APP: variants seen among roughly 807,000 people sequenced by gnomAD.
The protein encoded by APP is amyloid-beta precursor protein.
Under a neutral mutation model 101.4 loss-of-function variants are expected in APP, and 31 were observed. The observed-to-expected ratio is 0.31, with a 90% confidence interval of 0.23 to 0.41. The LOEUF is 0.41. APP is among the 10% of genes least tolerant of loss of function. The pLI, the probability that APP is intolerant of heterozygous loss-of-function variation, is 1.00. For synonymous variants in APP, 366 were observed against 364.4 expected (o/e 1.00, Z -0.05); for missense variants, 839 against 1,003.7 (o/e 0.84, Z 2.22).
intron 1 of APP, among the ~76,000 whole-genome samples, chr21:26,169,598 A>G (rs2063694865): frequency 6.6e-6 from 1 of 152,226 alleles, no homozygotes; most frequent in Non-Finnish European, 1.5e-5. Flanking sequence ...GAGGGTGGGA[A>G]GCAGAGGGGC....
intron 17 of APP, among the ~76,000 whole-genome samples, chr21:25,886,674 T>A (rs572255642): frequency 7.2e-5 from 11 of 151,980 alleles, no homozygotes; most frequent in African/African-American, 2.7e-4. Flanking sequence ...GGATTACAGG[T>A]GTGAGCCACC....
chr21:26,038,915 G>T (rs1389017019), intron 5 of APP, among the ~76,000 whole-genome samples: 2 of 152,132 alleles, frequency 1.3e-5, no homozygotes, highest in Non-Finnish European at 2.9e-5. Flanking sequence ...ACAGATTATT[G>T]CAATTTTCCC....
At chr21:25,955,588 T>A in intron 12 of APP, 39 bp downstream of exon 12, 1 of 1,613,612 alleles carries the variant, frequency 6.2e-7, no homozygotes, top group Non-Finnish European at 8.5e-7. Context: ...GAATCCTGGA[T>A]TGTCAAAGCT....
chr21:26,072,720 G>C (rs1034534941), intron 3 of APP, among the ~76,000 whole-genome samples: 2 of 152,024 alleles, frequency 1.3e-5, no homozygotes, highest in Non-Finnish European at 1.5e-5. Context: ...GTTGATTTCT[G>C]CATCAATAGC....
intron 5 of APP, among the ~76,000 whole-genome samples, chr21:26,039,933 T>C (rs1447634155): frequency 6.6e-6 from 1 of 152,168 alleles, no homozygotes; most frequent in Non-Finnish European, 1.5e-5. Flanking sequence ...AGCTACTGTA[T>C]TTACAGATTG....
chr21:25,912,556 G>T (rs2039132308), intron 13 of APP, among the ~76,000 whole-genome samples: 1 of 152,104 alleles, frequency 6.6e-6, no homozygotes, highest in South Asian at 2.1e-4. Context: ...ATGCTCTGAG[G>T]CAACAAGGAA....
At chr21:25,893,662 G>C (rs1385674028) in intron 16 of APP, among the ~76,000 whole-genome samples, 4 of 152,134 alleles carry the variant, frequency 2.6e-5, no homozygotes, top group African/African-American at 9.7e-5. Context: ...TGAAGAAGCT[G>C]CAGAAGAAAA....
chr21:26,114,683 G>A (rs1012904631), intron 1 of APP, among the ~76,000 whole-genome samples: 1 of 151,992 alleles, frequency 6.6e-6, no homozygotes, highest in Non-Finnish European at 1.5e-5. Context: ...GACAAACCAA[G>A]TAAATGCTTC....
At chr21:26,076,852 A>C (rs932887149) in intron 3 of APP, among the ~76,000 whole-genome samples, 1 of 152,136 alleles carries the variant, frequency 6.6e-6, no homozygotes, top group Non-Finnish European at 1.5e-5. Flanking sequence ...TCACGAGATC[A>C]GGAGATGGAG....
intron 11 of APP, among the ~76,000 whole-genome samples, chr21:25,969,419 G>C (rs557994011): frequency 3.4e-5 from 5 of 148,108 alleles, no homozygotes; most frequent in Non-Finnish European, 5.9e-5. Context: ...GCAGACCTAA[G>C]TGCCAGGTCA....
At chr21:26,042,899 G>A (rs2045438677) in intron 5 of APP, among the ~76,000 whole-genome samples, 2 of 150,098 alleles carry the variant, frequency 1.3e-5, no homozygotes, top group African/African-American at 5.0e-5. Flanking sequence ...ATGTGTGACA[G>A]CAAGAACCTG....
At chr21:25,902,587 C>T (rs1047819722) in intron 15 of APP, among the ~76,000 whole-genome samples, 1 of 146,274 alleles carries the variant, frequency 6.8e-6, no homozygotes, top group African/African-American at 2.5e-5. Flanking sequence ...TTAGGCCACC[C>T]TCTCTTCTGA....
At chr21:25,973,927 G>A (rs1456294860) in intron 11 of APP, among the ~76,000 whole-genome samples, 1 of 135,448 alleles carries the variant, frequency 7.4e-6, no homozygotes, top group Non-Finnish European at 1.5e-5. Context: ...GTGACAGAGT[G>A]AGACTCCATC....
At chr21:25,950,631 G>A (rs118025690) in intron 13 of APP, among the ~76,000 whole-genome samples, 1,990 of 152,030 alleles carry the variant, frequency 0.013, 24 homozygotes, top group Non-Finnish European at 0.021. Context: ...ATCCACTGCC[G>A]CCGGCCTGCA....
intron 13 of APP, among the ~76,000 whole-genome samples, chr21:25,941,027 C>T (rs1569084335): frequency 2.0e-5 from 3 of 152,162 alleles, no homozygotes; most frequent in African/African-American, 2.4e-5. Flanking sequence ...GCAATACATA[C>T]TTTATACCTA....
intron 15 of APP, among the ~76,000 whole-genome samples, chr21:25,900,476 C>T (rs1424584403): frequency 2.0e-5 from 3 of 150,500 alleles, no homozygotes; most frequent in Non-Finnish European, 4.4e-5. Flanking sequence ...ATAAGAATCG[C>T]TTGAACCCGG....
At chr21:26,145,952 T>C (rs1337684438) in intron 1 of APP, among the ~76,000 whole-genome samples, 1 of 152,088 alleles carries the variant, frequency 6.6e-6, no homozygotes, top group African/African-American at 2.4e-5. Context: ...CAAATAATGC[T>C]CTCATAATAT....
intron 11 of APP, among the ~76,000 whole-genome samples, chr21:25,970,416 G>A (rs2041986989): frequency 6.6e-6 from 1 of 152,120 alleles, no homozygotes; most frequent in Admixed American, 6.6e-5. Flanking sequence ...ACTTTCAGCT[G>A]GAACGCTTCA....
chr21:25,981,059 T>C (rs945100951), intron 9 of APP, among the ~76,000 whole-genome samples: 3 of 152,134 alleles, frequency 2.0e-5, no homozygotes, highest in African/African-American at 7.2e-5. Flanking sequence ...AGGTGAATAG[T>C]GGCCCAGAGT....
Sources: gnomAD v4.1 joint callset for allele counts (sites outside exome capture counted in the v4.1 genomes callset) on GRCh38, gnomAD v4.1.1 for gene constraint, MANE v1.5 for transcripts, NCBI Gene and HGNC (gene_info 2026-07-23, HGNC 2026-07-21) for gene names.